The following ZNF385D variants were observed in gnomAD, a reference collection of about 807,000 sequenced individuals.
ZNF385D encodes zinc finger protein 659.
In ZNF385D, 15 loss-of-function variants were observed where a neutral mutation model predicts 35.8. The observed-to-expected ratio is 0.42, with a 90% CI of 0.28 to 0.64. The LOEUF is 0.64. Ranked by LOEUF, ZNF385D falls within the 30% of genes least tolerant of loss-of-function variation. The pLI, the probability that ZNF385D is intolerant of heterozygous loss-of-function variation, is 0.23. For missense variants in ZNF385D, 474 were observed against 494.6 expected, an observed-to-expected ratio of 0.96 and a Z score of 0.39; for synonymous variants, 212 against 186.8, an observed-to-expected ratio of 1.13 and a Z score of -1.10.
At chr3:21,798,038 A>C (rs893570630) in intron 3 of ZNF385D, among the ~76,000 whole-genome samples, 1 of 152,232 alleles carries the variant, frequency 6.6e-6, no homozygotes, top group Non-Finnish European at 1.5e-5. Context: ...CACTGGCAAC[A>C]ATGATGTGTC....
intron 2 of ZNF385D, among the ~76,000 whole-genome samples, chr3:22,303,432 G>A (rs765750752): frequency 1.2e-4 from 19 of 152,138 alleles, no homozygotes; most frequent in Non-Finnish European, 2.5e-4. Flanking sequence ...GAACCTGCTT[G>A]TGTGCCAAGG....
At chr3:21,806,153 C>G (rs1473819217) in intron 3 of ZNF385D, among the ~76,000 whole-genome samples, 1 of 151,880 alleles carries the variant, frequency 6.6e-6, no homozygotes, top group Non-Finnish European at 1.5e-5. Context: ...TCCTTTCTCC[C>G]CCTCTCTTTC....
chr3:22,075,433 A>G (rs1700416116), intron 3 of ZNF385D, among the ~76,000 whole-genome samples: 1 of 151,980 alleles, frequency 6.6e-6, no homozygotes, highest in South Asian at 2.1e-4. Flanking sequence ...AAAGTTGTCA[A>G]TGAACTTCAT....
At chr3:21,731,421 C>T (rs1353647027) in intron 1 of ZNF385D, among the ~76,000 whole-genome samples, 4 of 152,166 alleles carry the variant, frequency 2.6e-5, no homozygotes, top group African/African-American at 9.7e-5. Flanking sequence ...ACTGCCTTCA[C>T]ACACTCATAG....
At chr3:21,828,907 A>G (rs1162060195) in intron 3 of ZNF385D, among the ~76,000 whole-genome samples, 3 of 152,186 alleles carry the variant, frequency 2.0e-5, no homozygotes, top group African/African-American at 7.2e-5. Flanking sequence ...GCACATCAGT[A>G]CAAACTCTGG....
chr3:21,497,178 A>T (rs1198409370), intron 4 of ZNF385D, among the ~76,000 whole-genome samples: 1 of 152,160 alleles, frequency 6.6e-6, no homozygotes, highest in Non-Finnish European at 1.5e-5. Flanking sequence ...AAGCTCCTAG[A>T]TCTAACAACA....
intron 2 of ZNF385D, among the ~76,000 whole-genome samples, chr3:22,336,045 T>C (rs1310200743): frequency 6.0e-5 from 9 of 151,074 alleles, no homozygotes; most frequent in Admixed American, 5.9e-4. Flanking sequence ...GCGCTGATGA[T>C]ACAGATTAAA....
At chr3:22,224,696 A>G (rs1252874856) in intron 2 of ZNF385D, among the ~76,000 whole-genome samples, 2 of 152,152 alleles carry the variant, frequency 1.3e-5, no homozygotes, top group African/African-American at 2.4e-5. Context: ...AACCAAAGTG[A>G]ACTATTCCTA....
At chr3:22,191,212 C>T (rs1365884000) in intron 2 of ZNF385D, among the ~76,000 whole-genome samples, 2 of 151,576 alleles carry the variant, frequency 1.3e-5, no homozygotes, top group East Asian at 1.9e-4. Flanking sequence ...ACTTTGCAGC[C>T]GGGCGCGGTG....
chr3:22,252,930 G>A (rs1046845563), intron 2 of ZNF385D, among the ~76,000 whole-genome samples: 1 of 152,064 alleles, frequency 6.6e-6, no homozygotes, highest in South Asian at 2.1e-4. Context: ...TTATCCTATA[G>A]GCATCAAGAA....
At chr3:22,222,077 A>G (rs1037647278) in intron 2 of ZNF385D, among the ~76,000 whole-genome samples, 1 of 152,052 alleles carries the variant, frequency 6.6e-6, no homozygotes, top group African/African-American at 2.4e-5. Context: ...CCCAAGTTCA[A>G]GCAATTCTCC....
At chr3:22,156,059 A>C (rs1165393845) in intron 3 of ZNF385D, among the ~76,000 whole-genome samples, 2 of 152,104 alleles carry the variant, frequency 1.3e-5, no homozygotes, top group Non-Finnish European at 2.9e-5. Context: ...GGATCCTAAC[A>C]CATATGTGAC....
intron 1 of ZNF385D, among the ~76,000 whole-genome samples, chr3:21,690,027 T>A (rs2067231033): frequency 6.6e-6 from 1 of 152,124 alleles, no homozygotes; most frequent in South Asian, 2.1e-4. Flanking sequence ...ATAACAAATA[T>A]GTTAAAATGT....
At chr3:21,561,305 G>C (rs536029954) in intron 3 of ZNF385D, among the ~76,000 whole-genome samples, 1 of 152,148 alleles carries the variant, frequency 6.6e-6, no homozygotes, top group Non-Finnish European at 1.5e-5. Context: ...CCTGGTCTGC[G>C]GGTTGCAAAG....
intron 3 of ZNF385D, among the ~76,000 whole-genome samples, chr3:21,916,825 G>T (rs1050584822): frequency 6.6e-6 from 1 of 152,156 alleles, no homozygotes; most frequent in Non-Finnish European, 1.5e-5. Flanking sequence ...AATATTCCTA[G>T]AAGAGACTTT....
At chr3:21,780,721 A>T (rs988994319) in intron 3 of ZNF385D, among the ~76,000 whole-genome samples, 2 of 152,062 alleles carry the variant, frequency 1.3e-5, no homozygotes, top group East Asian at 3.9e-4. Context: ...CAGAACCTGC[A>T]TGGGGCTACT....
chr3:22,080,971 G>A (rs1459943619), intron 3 of ZNF385D, among the ~76,000 whole-genome samples: 2 of 152,074 alleles, frequency 1.3e-5, no homozygotes, highest in African/African-American at 2.4e-5. Context: ...CATGTTTGTT[G>A]TTCATAAGCC....
intron 3 of ZNF385D, among the ~76,000 whole-genome samples, chr3:21,917,432 C>CA (rs11404892): frequency 0.29 from 44,702 of 151,624 alleles, 7,897 homozygotes; most frequent in African/African-American, 0.45. Flanking sequence ...ACTCCGTCTC[C>CA]AAAAAAACAC....
intron 6 of ZNF385D, among the ~76,000 whole-genome samples, chr3:21,424,320 T>TATATATATATACTTATATATATA (rs1418109308): frequency 8.5e-6 from 1 of 117,716 alleles, no homozygotes; most frequent in African/African-American, 3.3e-5. Context: ...TATATATATT[T>TATATATATATACTTATATATATA]TTTTTTTTTT....
Sources: gnomAD v4.1 joint callset for allele counts (sites outside exome capture counted in the v4.1 genomes callset) on GRCh38, gnomAD v4.1.1 for gene constraint, MANE v1.5 for transcripts, NCBI Gene and HGNC (gene_info 2026-07-23, HGNC 2026-07-21) for gene names.